The following SULT1C4 variants were observed in gnomAD, a reference collection of about 807,000 sequenced individuals.
SULT1C4 encodes the protein sulfotransferase family 1C member 4, also known as sulfotransferase 1C4.
SULT1C4 carries 32 observed loss-of-function variants against 34.8 expected under a neutral mutation model. That is an observed-to-expected ratio of 0.92 (90% CI 0.69 to 1.23). The LOEUF (loss-of-function observed/expected upper bound fraction) is 1.23. SULT1C4 is among the 50% of genes most tolerant of loss of function. The pLI is 0.00. For missense variants in SULT1C4, 375 were observed against 365.9 expected, an observed-to-expected ratio of 1.02 and a Z score of -0.20; for synonymous variants, 111 against 120.5, an observed-to-expected ratio of 0.92 and a Z score of 0.51.
At chr2:108,381,528 T>C (rs1023389749) in intron 1 of SULT1C4, among the ~76,000 whole-genome samples, 20 of 152,110 alleles carry the variant, frequency 1.3e-4, no homozygotes, top group Non-Finnish European at 2.9e-4. Flanking sequence ...TGTGTATGCA[T>C]GTAACCCCTG....
At chr2:108,382,312 T>G in intron 2 of SULT1C4, 73 bp from the exon 3 acceptor site, 1 of 1,180,974 alleles carries the variant, frequency 8.5e-7, no homozygotes, top group Non-Finnish European at 1.3e-6. Flanking sequence ...GTAGTAATAA[T>G]GGAAGCAGCA....
rs1213448052 is a variant in SULT1C4 at position 108,388,754 on chromosome 2, G to A, written c.*1322G>A. Among the ~76,000 whole-genome samples, 2 of 152,088 alleles carry A rather than the reference G, an allele frequency of 1.3e-5. No homozygotes were observed. Among genetic ancestry groups the A allele is most frequent in the Non-Finnish European group, 2.9e-5 (2 of 68,020 alleles). ...ATTCCAGCAAATTAGCCTACTTACT[G>A]GGTCCTAGTCACATCTTACCACTTC... On this transcript the variant is annotated 3_prime_UTR_variant, in exon 7 of 7. Coordinates refer to ENST00000272452, the MANE Select transcript of SULT1C4 (RefSeq NM_006588.4).
intron 1 of SULT1C4, among the ~76,000 whole-genome samples, chr2:108,381,140 G>A (rs1180749082): frequency 6.6e-6 from 1 of 152,140 alleles, no homozygotes; most frequent in Non-Finnish European, 1.5e-5. Flanking sequence ...TGGGGAGAAT[G>A]TCCTTTCTAA....
chr2:108,380,476 T>G (rs1394876136), intron 1 of SULT1C4, among the ~76,000 whole-genome samples: 1 of 152,114 alleles, frequency 6.6e-6, no homozygotes, highest in East Asian at 1.9e-4. Context: ...ATCCCACCAC[T>G]GTACTCCAGC....
rs1483247007 is a variant in SULT1C4 at position 108,378,410 on chromosome 2, A to G, written c.73A>G (p.Ile25Val). Residue 25 changes from isoleucine to valine, a missense_variant, in exon 1 of 7, where the codon ATT becomes GTT. Physicochemically the swap from Ile to Val is conservative, Grantham distance 29. Coordinates refer to ENST00000272452, the MANE Select transcript of SULT1C4 (RefSeq NM_006588.4). ...KRLSVNYVKG[I>V]LQPTDTCDIW... is the part of the protein sequence containing the mutation. ...CTTAAGTGTCAACTACGTGAAGGGA[A>G]TTCTTCAACCGACAGACACCTGTGA... 6.2e-7 allele frequency: 1 copy of G among 1,614,118 alleles called. No homozygotes were observed. Among genetic ancestry groups the G allele is most frequent in the African/African-American group, 1.3e-5 (1 of 74,944 alleles).
At chr2:108,386,864 G>A (rs1678580179) in intron 6 of SULT1C4, among the ~76,000 whole-genome samples, 3 of 152,284 alleles carry the variant, frequency 2.0e-5, no homozygotes, top group South Asian at 4.1e-4. Context: ...TAAGAAAAAC[G>A]AAACTGGGAA....
chr2:108,382,928 A>ATT, intron 3 of SULT1C4, 165 bp from the exon 4 acceptor site: 1 of 406,598 alleles, frequency 2.5e-6, no homozygotes, highest in Non-Finnish European at 3.8e-6. Flanking sequence ...AAAAAAAAAA[A>ATT]AAAGTCTCCC....
At position 108,383,494 on chromosome 2, in the gene SULT1C4, A is replaced by G; in HGVS notation, c.599A>G (p.Tyr200Cys). The change falls in exon 5 of 7, where the codon TAT becomes TGT. Residue 200 changes from tyrosine (Y) to cysteine (C), a missense_variant. Tyr to Cys is a radical substitution (Grantham distance 194). Transcript: ENST00000272452. ...KDKHRILYLF[Y>C]EDMKKNPKHE... ...AAACACCGTATTCTCTATCTCTTCTATGAGGACATGAAGAAGGTGAGCACA... is the reference window on the plus strand; with the variant it reads ...AAACACCGTATTCTCTATCTCTTCTGTGAGGACATGAAGAAGGTGAGCACA... 1 of 1,614,102 alleles carries G rather than the reference A, an allele frequency of 6.2e-7. No individual in the cohort carries two copies. The highest frequency in any genetic ancestry group is 1.1e-5 in the South Asian group (1 of 91,062).
rs1678302966 is a variant in SULT1C4, at chr2:108,378,457, C to T, written c.120C>T (p.Asn40=). ...GTGACATCTGGGATAAGATCTGGAA[C>T]TTCCAAGCCAAGCCTGATGACCTGC... The part of the protein sequence containing the change: ...DTCDIWDKIW[N]FQAKPDDLLI... Residue 40 remains asparagine, a synonymous_variant, in exon 1 of 7, where the codon AAC becomes AAT. Coordinates refer to ENST00000272452, the MANE Select transcript of SULT1C4 (RefSeq NM_006588.4). 2 of 1,614,168 alleles carry T rather than the reference C, an allele frequency of 1.2e-6. No individual in the cohort carries two copies. The highest frequency in any genetic ancestry group is 1.7e-6 in the Non-Finnish European group (2 of 1,180,020).
chr2:108,379,611 G>A (rs575496446), intron 1 of SULT1C4, among the ~76,000 whole-genome samples: 3 of 152,256 alleles, frequency 2.0e-5, no homozygotes, highest in Non-Finnish European at 4.4e-5. Flanking sequence ...CATTAATGAG[G>A]TTTAAGCAAT....
Position 108,382,481 on chromosome 2 carries a change from A to C in SULT1C4, c.392A>C (p.Lys131Thr), listed in dbSNP as rs769317251. 2.0e-5 allele frequency: 33 copies of C among 1,613,686 alleles called. No homozygotes were observed. Among genetic ancestry groups the C allele is most frequent in the Non-Finnish European group, 2.6e-5 (31 of 1,179,710 alleles). ...LPPSLLEKNC[K>T]IIYVARNPKD... ...CCATCCTTGCTAGAGAAAAACTGTA[A>C]GGTAAAAAAGCAAAAGGAATTCAGA... The change falls in exon 3 of 7, where the codon AAG becomes ACG. Residue 131 changes from lysine (K) to threonine (T), a missense_variant and splice_region_variant. Coordinates refer to ENST00000272452, the MANE Select transcript of SULT1C4 (RefSeq NM_006588.4).
At position 108,387,386 on chromosome 2, in the gene SULT1C4, A is replaced by G. The variant is rs766828224; in HGVS notation, c.863A>G (p.Lys288Arg). The G allele has an allele frequency of 3.0e-5, 49 of 1,613,754 alleles. No homozygotes were observed. Among genetic ancestry groups the G allele is most frequent in the Non-Finnish European group, 3.9e-5 (46 of 1,179,904 alleles). ...AATGAGAGATTTGATGAAGATTACA[A>G]GAAGAAAATGACTGATACCAGACTA... ...AQNERFDEDYKKKMTDTRLTF... is the reference protein window; with the variant it reads ...AQNERFDEDYRKKMTDTRLTF... Residue 288 changes from lysine to arginine, a missense_variant, in exon 7 of 7, where the codon AAG (lysine) becomes AGG (arginine). Physicochemically the swap from Lys to Arg is conservative, Grantham distance 26. Transcript: ENST00000272452.
At chr2:108,381,618 T>C in intron 1 of SULT1C4, 144 bp from the exon 2 acceptor site, 1 of 939,154 alleles carries the variant, frequency 1.1e-6, no homozygotes, top group Non-Finnish European at 1.4e-6. Flanking sequence ...ACTCCAGCCT[T>C]GATACAGAGC....
At position 108,378,482 on chromosome 2, in the gene SULT1C4, C is replaced by T. The variant is rs1678304115; in HGVS notation, c.145C>T (p.Leu49Phe). 6.2e-7 allele frequency: 1 copy of T among 1,614,058 alleles called. No homozygotes were observed. Among genetic ancestry groups the T allele is most frequent in the Non-Finnish European group, 8.5e-7 (1 of 1,179,988 alleles). The change falls in exon 1 of 7, where the codon CTT becomes TTT. Residue 49 changes from leucine to phenylalanine, a missense_variant. Transcript: ENST00000272452. ...WNFQAKPDDL[L>F]ISTYPKAGTT... ...CTTCCAAGCCAAGCCTGATGACCTG[C>T]TTATTTCTACCTATCCTAAAGCAGG...
rs77321543 is a variant in SULT1C4 at position 108,383,608 on chromosome 2, C to T, written c.615+98C>T. The T allele has an allele frequency of 3.2e-3, 3,394 of 1,048,414 alleles. 8 individuals carry two copies. Among genetic ancestry groups the T allele is most frequent in the Middle Eastern group, 0.018 (79 of 4,514 alleles). The allele number at this position is 1,048,414 out of a possible 1,614,324, so 64.9% of individuals were successfully genotyped here. A position where few individuals can be genotyped will look rare whatever the true frequency, so the allele number is the denominator to read the frequency against. ...AGGGACTCAGATTGATGCGGGGAAC[C>T]GAAAATTGCTGCACTTCATTGGTTA... On this transcript the variant is annotated intron_variant, in intron 5 of 6. Coordinates refer to ENST00000272452, the MANE Select transcript of SULT1C4 (RefSeq NM_006588.4).
Position 108,386,367 on chromosome 2 carries a change from G to A in SULT1C4, c.791G>A (p.Arg264Lys), listed in dbSNP as rs762573156. ...GACCACTCCATTTCTCCATTCATGAGAAAAGGTTTTTATAGTTTATTTTCA... is the reference window on the plus strand; with the variant it reads ...GACCACTCCATTTCTCCATTCATGAAAAAAGGTTTTTATAGTTTATTTTCA... ...IMDHSISPFM[R>K]KGAVGDWKKH... The change falls in exon 6 of 7, where the codon AGA (arginine) becomes AAA (lysine). Residue 264 changes from arginine to lysine, a missense_variant. Coordinates refer to ENST00000272452, the MANE Select transcript of SULT1C4 (RefSeq NM_006588.4). 2.7e-6 allele frequency: 4 copies of A among 1,471,668 alleles called. No homozygotes were observed. In the Admixed American group the frequency reaches 7.1e-5, roughly 26 times the overall value. 91.2% of individuals were successfully genotyped at this position (1,471,668 alleles called of 1,614,324 possible).
At chr2:108,384,293 G>T (rs111292394) in intron 5 of SULT1C4, among the ~76,000 whole-genome samples, 1 of 149,934 alleles carries the variant, frequency 6.7e-6, no homozygotes, top group Non-Finnish European at 1.5e-5. Context: ...GCAGTGGCGC[G>T]ATCTCTGGCT....
rs1467159520 is a variant in SULT1C4, at chr2:108,378,520, C to G, written c.169+14C>G. On this transcript the variant is annotated intron_variant, in intron 1 of 6. Coordinates refer to ENST00000272452, the MANE Select transcript of SULT1C4 (RefSeq NM_006588.4). Reference sequence around the variant, plus strand: ...ATCCTAAAGCAGGTAGGTGGAAGGGCTTGCAGGGGAAGGGGAAGAGGAGAG... The same window carrying G: ...ATCCTAAAGCAGGTAGGTGGAAGGGGTTGCAGGGGAAGGGGAAGAGGAGAG... The G allele has an allele frequency of 6.2e-7, 1 of 1,611,488 alleles. No homozygotes were observed. Among genetic ancestry groups the G allele is most frequent in the Non-Finnish European group, 8.5e-7 (1 of 1,178,754 alleles).
Position 108,382,460 on chromosome 2 carries a change from C to T in SULT1C4, c.371C>T (p.Ser124Phe), listed in dbSNP as rs1437783948. 7 of 1,614,084 alleles carry T rather than the reference C, an allele frequency of 4.3e-6. No individual in the cohort carries two copies. Among genetic ancestry groups the T allele is most frequent in the Non-Finnish European group, 5.9e-6 (7 of 1,179,992 alleles). ...CTTCCCTTTCACTTGCTGCCACCATCCTTGCTAGAGAAAAACTGTAAGGTA... is the reference window on the plus strand; with the variant it reads ...CTTCCCTTTCACTTGCTGCCACCATTCTTGCTAGAGAAAAACTGTAAGGTA... ...THLPFHLLPP[S>F]LLEKNCKIIY... The change falls in exon 3 of 7, where the codon TCC (serine) becomes TTC (phenylalanine). Residue 124 changes from serine to phenylalanine, a missense_variant. Transcript: ENST00000272452.
Sources: gnomAD v4.1 joint callset for allele counts (sites outside exome capture counted in the v4.1 genomes callset) on GRCh38, gnomAD v4.1.1 for gene constraint, MANE v1.5 for transcripts, NCBI Gene and HGNC (gene_info 2026-07-23, HGNC 2026-07-21) for gene names.